Variants in SLC26A7 observed in about 807,000 individuals in gnomAD.
SLC26A7 encodes the protein solute carrier family 26 member 7, also known as anion exchange transporter.
Under a neutral mutation model 82.5 loss-of-function variants are expected in SLC26A7, and 59 were observed. The ratio of observed to expected loss-of-function variants is 0.72; its 90% CI spans 0.58 to 0.89. The LOEUF is 0.89. SLC26A7 is among the 40% of genes least tolerant of loss of function. The probability of loss-of-function intolerance (pLI) is 0.00; values close to 1 mark genes in which losing one functional copy is unlikely to be tolerated. For synonymous variants in SLC26A7, 271 were observed against 274.3 expected, an observed-to-expected ratio of 0.99 and a Z score of 0.12; for missense variants, 820 against 793.0, an observed-to-expected ratio of 1.03 and a Z score of -0.41.
intron 11 of SLC26A7, 87 bp from the exon 12 acceptor site, chr8:91,362,266 A>G (rs1271976970): frequency 5.7e-6 from 5 of 869,680 alleles, no homozygotes; most frequent in East Asian, 2.6e-5. Context: ...CAAGAGTGTT[A>G]AGAATATGAT....
chr8:91,391,328 A>AC (rs1814962910), intron 16 of SLC26A7, among the ~76,000 whole-genome samples: 1 of 152,176 alleles, frequency 6.6e-6, no homozygotes, highest in African/African-American at 2.4e-5. Flanking sequence ...TTCATTTTGT[A>AC]AAAATGAGGC....
intron 2 of SLC26A7, among the ~76,000 whole-genome samples, chr8:91,220,391 A>T (rs1810140547): frequency 6.6e-6 from 1 of 151,844 alleles, no homozygotes; most frequent in South Asian, 2.1e-4. Flanking sequence ...TTTCTTCTAA[A>T]AAAAAAAAAC....
chr8:91,369,155 C>A (rs1814283003), intron 14 of SLC26A7, among the ~76,000 whole-genome samples: 1 of 152,090 alleles, frequency 6.6e-6, no homozygotes, highest in South Asian at 2.1e-4. Flanking sequence ...TTGACTCTTT[C>A]ATATAAAAAA....
rs932644376 is a variant in SLC26A7, at chr8:91,397,916, C to T, written c.*2819C>T. The T allele has an allele frequency of 1.3e-5, 2 of 152,374 alleles. No individual in the cohort carries two copies. Among genetic ancestry groups the T allele is most frequent in the African/African-American group, 4.8e-5 (2 of 41,386 alleles). 9.4% of individuals were successfully genotyped at this position (152,374 alleles called of 1,614,324 possible). A position where few individuals can be genotyped will look rare whatever the true frequency, so the allele number is the denominator to read the frequency against. On this transcript the variant is annotated 3_prime_UTR_variant, in exon 19 of 19. Transcript: ENST00000276609. ...TATTTTGTGGGATGATAATCTAATT[C>T]AGTATAGAATATGCTGTTTGGCAAT... is the stretch of plus-strand genomic sequence containing the variant.
At chr8:91,250,192 A>C (rs903951628) in intron 2 of SLC26A7, among the ~76,000 whole-genome samples, 2 of 152,130 alleles carry the variant, frequency 1.3e-5, no homozygotes, top group African/African-American at 4.8e-5. Flanking sequence ...AAGCTATAAA[A>C]TACTCCTGGC....
intron 5 of SLC26A7, among the ~76,000 whole-genome samples, chr8:91,326,292 C>G (rs868617586): frequency 6.6e-6 from 1 of 152,164 alleles, no homozygotes; most frequent in African/African-American, 2.4e-5. Flanking sequence ...CTATCACAGA[C>G]GAGGTGGCTT....
At chr8:91,305,952 A>G (rs757172210) in intron 4 of SLC26A7, among the ~76,000 whole-genome samples, 7 of 152,202 alleles carry the variant, frequency 4.6e-5, no homozygotes, top group Non-Finnish European at 1.0e-4. Flanking sequence ...GCCAGTGTGC[A>G]CCATAGTTCT....
intron 5 of SLC26A7, among the ~76,000 whole-genome samples, chr8:91,326,299 G>A (rs1812929703): frequency 6.6e-6 from 1 of 152,094 alleles, no homozygotes; most frequent in Non-Finnish European, 1.5e-5. Context: ...AGACGAGGTG[G>A]CTTAAACAAC....
chr8:91,358,950 G>A (rs1007843127), intron 11 of SLC26A7, among the ~76,000 whole-genome samples: 2 of 152,082 alleles, frequency 1.3e-5, no homozygotes, highest in Admixed American at 6.5e-5. Context: ...GGACGGGGGA[G>A]GGATAGAATT....
chr8:91,392,962 T>C (rs1808444029), intron 16 of SLC26A7, among the ~76,000 whole-genome samples: 1 of 152,212 alleles, frequency 6.6e-6, no homozygotes, highest in Admixed American at 6.5e-5. Context: ...CTTAGTAATA[T>C]ATCTCCCATT....
intron 2 of SLC26A7, among the ~76,000 whole-genome samples, chr8:91,237,105 T>A (rs1191109619): frequency 6.6e-6 from 1 of 152,222 alleles, no homozygotes; most frequent in East Asian, 1.9e-4. Context: ...AGCAAGCTGG[T>A]GGCCAGGGGT....
chr8:91,227,026 C>T (rs1563634826), intron 2 of SLC26A7, among the ~76,000 whole-genome samples: 1 of 152,190 alleles, frequency 6.6e-6, no homozygotes, highest in African/African-American at 2.4e-5. Flanking sequence ...GTGGGGTCAA[C>T]TAATGTTCTG....
chr8:91,350,969 ATTGT>A lies in SLC26A7; in HGVS notation c.1141-834_1141-831del, dbSNP rs138308264. Among the ~76,000 whole-genome samples the A allele has an allele frequency of 2.1e-3, 321 of 152,054 alleles. 3 individuals are homozygous for A. Among genetic ancestry groups the A allele is most frequent in the Non-Finnish European group, 3.1e-3 (209 of 67,958 alleles). ...GAGTTTTTGCCAGCCTTTGATATTG[ATTGT>A]TTGTTTATATATTTATTTTTAATTT... On this transcript the variant is annotated intron_variant, in intron 9 of 18. Coordinates refer to ENST00000276609, the MANE Select transcript of SLC26A7 (RefSeq NM_052832.4).
chr8:91,374,383 CTGT>C (rs1420353313), intron 15 of SLC26A7, among the ~76,000 whole-genome samples: 1 of 138,766 alleles, frequency 7.2e-6, no homozygotes, highest in Middle Eastern at 3.6e-3. Context: ...CCTCTTAACA[CTGT>C]TTTTTTTTTT....
At chr8:91,296,776 T>C (rs1003123576) in intron 4 of SLC26A7, among the ~76,000 whole-genome samples, 1 of 152,186 alleles carries the variant, frequency 6.6e-6, no homozygotes, top group Non-Finnish European at 1.5e-5. Context: ...GGCTTGTATC[T>C]GAGCTATCAT....
rs1201221687 is a variant in SLC26A7 at position 91,397,142 on chromosome 8, CT to C, written c.*2047del. On this transcript the variant is annotated 3_prime_UTR_variant, in exon 19 of 19. Coordinates refer to ENST00000276609, the MANE Select transcript of SLC26A7 (RefSeq NM_052832.4). ...GTGGATAAAACTTTAAGTCCAATAA[CT>C]TGGGGGTCAAATGCTAATGTTTTAT... 6.6e-6 allele frequency: 1 copy of C among 151,984 alleles called. No individual in the cohort carries two copies. Among genetic ancestry groups the C allele is most frequent in the Non-Finnish European group, 1.5e-5 (1 of 67,930 alleles). The allele number at this position is 151,984 out of a possible 1,614,324, so 9.4% of individuals were successfully genotyped here. A position where few individuals can be genotyped will look rare whatever the true frequency, so the allele number is the denominator to read the frequency against.
chr8:91,374,199 A>AT (rs953958575), intron 15 of SLC26A7, among the ~76,000 whole-genome samples: 121 of 149,978 alleles, frequency 8.1e-4, no homozygotes, highest in African/African-American at 2.5e-3. Context: ...TCTCCTTGGT[A>AT]TTTTTTTTGT....
intron 4 of SLC26A7, among the ~76,000 whole-genome samples, chr8:91,310,931 C>G (rs1354821897): frequency 6.6e-6 from 1 of 151,824 alleles, no homozygotes; most frequent in African/African-American, 2.4e-5. Flanking sequence ...TTTTTCCATT[C>G]CTGCTCTAAA....
chr8:91,390,920 G>A (rs80008593), intron 16 of SLC26A7, among the ~76,000 whole-genome samples: 7,729 of 152,210 alleles, frequency 0.051, 273 homozygotes, highest in African/African-American at 0.1. Context: ...CATGGTTGTT[G>A]TATATTTTTG....
Sources: allele counts gnomAD v4.1 joint callset (sites outside exome capture counted in the v4.1 genomes callset), GRCh38; gene constraint gnomAD v4.1.1; transcripts MANE v1.5; gene names NCBI Gene and HGNC (gene_info 2026-07-23, HGNC 2026-07-21).